Variants in UBA5 observed in about 807,000 individuals in gnomAD.
UBA5 encodes ubiquitin like modifier activating enzyme 5.
Under a neutral mutation model 52.9 loss-of-function variants are expected in UBA5, and 28 were observed. The ratio of observed to expected loss-of-function variants is 0.53; its 90% CI spans 0.39 to 0.73. UBA5 has a LOEUF of 0.73. UBA5 is among the 30% of genes least tolerant of loss of function. The pLI is 0.00. For missense variants in UBA5, 388 were observed against 492.7 expected (o/e 0.79, Z 2.01); for synonymous variants, 135 against 162.1 (o/e 0.83, Z 1.27).
chr3:132,676,626 T>C lies in UBA5; in HGVS notation c.*100T>C. The C allele has an allele frequency of 1.3e-6, 1 of 792,618 alleles. No individual in the cohort carries two copies. Among genetic ancestry groups the C allele is most frequent in the Non-Finnish European group, 2.1e-6 (1 of 485,450 alleles). 49.1% of individuals were successfully genotyped at this position (792,618 alleles called of 1,614,324 possible). ...TAAAACTTAGGGCAACATTAATTAA[T>C]GTATATTCTTACCTGAATTGTTATA... On this transcript the variant is annotated 3_prime_UTR_variant, in exon 12 of 12. Coordinates refer to ENST00000356232, the MANE Select transcript of UBA5 (RefSeq NM_024818.6). This position sits in a 1 kb window ranked among gnomAD's most constrained non-coding sequence, Gnocchi z 4.1.
chr3:132,655,949 T>A (rs1294398952), upstream of UBA5, among the ~76,000 whole-genome samples: 1 of 152,244 alleles, frequency 6.6e-6, no homozygotes, highest in East Asian at 1.9e-4. Flanking sequence ...AGAGTATTTA[T>A]GAAATTGGTA....
rs555442422 is a variant in UBA5, at chr3:132,670,394, T to C, written c.494+110T>C. 13 of 536,646 alleles carry C rather than the reference T, an allele frequency of 2.4e-5. No individual in the cohort carries two copies. The East Asian group carries it at 4.5e-4, about 19-fold the overall frequency. The allele number at this position is 536,646 out of a possible 1,614,324, so 33.2% of individuals were successfully genotyped here. On this transcript the variant is annotated intron_variant, in intron 5 of 11. Transcript: ENST00000356232. Reference sequence around the variant, plus strand: ...TGAATGGAAGATTGATATATATTTTTCCATTTTTTTAGTACAGCAATTTTT... The same window carrying C: ...TGAATGGAAGATTGATATATATTTTCCCATTTTTTTAGTACAGCAATTTTT...
chr3:132,674,291 T>C (rs1473545826), intron 8 of UBA5, among the ~76,000 whole-genome samples: 3 of 152,240 alleles, frequency 2.0e-5, no homozygotes, highest in Non-Finnish European at 1.5e-5. Flanking sequence ...TTTATGTGAT[T>C]TTCTCTGTAT....
At chr3:132,659,602 C>A (rs762024438), upstream of UBA5, 4 of 1,611,128 alleles carry the variant, frequency 2.5e-6, no homozygotes, top group Non-Finnish European at 3.4e-6. Context: ...GACATCCATA[C>A]CTGTACTGGG....
At chr3:132,657,866 CTTTTTTTT>C (rs56190801), upstream of UBA5, among the ~76,000 whole-genome samples, 2 of 119,164 alleles carry the variant, frequency 1.7e-5, no homozygotes, top group East Asian at 2.9e-4. Flanking sequence ...ACACATATTC[CTTTTTTTT>C]TTTTTTTTTT....
intron 1 of UBA5, chr3:132,665,608 C>T: frequency 1.9e-6 from 1 of 517,972 alleles, no homozygotes; most frequent in Admixed American, 3.5e-5. Flanking sequence ...AAAAACCAAT[C>T]TTGTTTCATA....
rs1003647355 is a variant in UBA5 at position 132,679,272 on chromosome 3, A to T, written c.*2746A>T. ...AACAGAGTGAGACTCTGTCTCAAAA[A>T]AAAAGGTATTGATGAATAAAAATTA... On this transcript the variant is annotated 3_prime_UTR_variant, in exon 12 of 12. Coordinates refer to ENST00000356232, the MANE Select transcript of UBA5 (RefSeq NM_024818.6). Among the ~76,000 whole-genome samples, 3 of 152,132 alleles carry T rather than the reference A, an allele frequency of 2.0e-5. No homozygotes were observed. The East Asian group carries it at 5.8e-4, about 30-fold the overall frequency.
At chr3:132,662,828 A>G (rs1452835930) in intron 1 of UBA5, among the ~76,000 whole-genome samples, 4 of 152,202 alleles carry the variant, frequency 2.6e-5, no homozygotes, top group Non-Finnish European at 4.4e-5. Context: ...GATTTTGGGC[A>G]GTTGATTAAC....
rs1477461030 is a variant in UBA5, at chr3:132,660,505, G to C, written c.-33G>C. On this transcript the variant is annotated 5_prime_UTR_variant, in exon 1 of 12. Transcript: ENST00000356232. The surrounding 1 kb of genome is among the most constrained non-coding windows in gnomAD (Gnocchi z 4.1). The stretch of plus-strand genomic sequence containing the variant: ...GGGGCGAAGGCGGCGGCGAAGGCCC[G>C]GGCTGGGAGCGTTGGCGGCCGGAGT... The C allele has an allele frequency of 3.2e-6, 5 of 1,545,340 alleles. No homozygotes were observed. In the South Asian group the frequency reaches 6.0e-5, roughly 18 times the overall value.
intron 7 of UBA5, 67 bp downstream of exon 7, chr3:132,671,948 T>C (rs1938623202): frequency 6.3e-7 from 1 of 1,596,814 alleles, no homozygotes; most frequent in Non-Finnish European, 8.6e-7. Flanking sequence ...GCATTGAAAA[T>C]GTATTACAAT....
chr3:132,675,265 G>C lies in UBA5; in HGVS notation c.830G>C (p.Gly277Ala), dbSNP rs1938786932. 1.2e-6 allele frequency: 2 copies of C among 1,604,714 alleles called. No homozygotes were observed. Among genetic ancestry groups the C allele is most frequent in the African/African-American group, 2.7e-5 (2 of 74,644 alleles). Residue 277 changes from glycine to alanine, a missense_variant, in exon 9 of 12, where the codon GGT becomes GCT. Transcript: ENST00000356232. ...QNVLKFLLNF[G>A]TVSFYLGYNA... ...TTTTCTAGGTTTCTGTTAAATTTTG[G>C]TACTGTTAGTTTTTACCTTGGATAC...
upstream of UBA5, chr3:132,660,213 G>A: frequency 2.3e-6 from 1 of 444,434 alleles, no homozygotes; most frequent in Non-Finnish European, 4.0e-6. The surrounding 1 kb of genome is among the most constrained non-coding windows in gnomAD (Gnocchi z 4.1). Flanking sequence ...AACATCGCTG[G>A]CCTCCTGCCC....
chr3:132,670,171 T>A (rs2107939746), intron 4 of UBA5, 27 bp from the exon 5 acceptor site: 1 of 1,131,664 alleles, frequency 8.8e-7, no homozygotes, highest in Non-Finnish European at 1.3e-6. Context: ...ATTACAGGCT[T>A]ATAATCATTC....
chr3:132,675,465 GGTTA>G, intron 9 of UBA5, 82 bp downstream of exon 9: 4 of 1,532,242 alleles, frequency 2.6e-6, no homozygotes, highest in Non-Finnish European at 3.6e-6. Flanking sequence ...CAAGATAAAT[GGTTA>G]ATTTATTCAC....
rs149960487 is a variant in UBA5 at position 132,677,100 on chromosome 3, T to C, written c.*574T>C. The C allele has an allele frequency of 8.0e-4, 209 of 261,138 alleles. 1 individual carries two copies. The highest frequency in any genetic ancestry group is 3.8e-3 in the African/African-American group (173 of 45,510). The allele number at this position is 261,138 out of a possible 1,614,324, so 16.2% of individuals were successfully genotyped here. ...TTTGCTGATGAAGTACAAGTTGAAA[T>C]GTAGTTATTGGAAAAGTCTGTAACC... On this transcript the variant is annotated 3_prime_UTR_variant, in exon 12 of 12. Transcript: ENST00000356232.
At chr3:132,671,476 AT>A (rs1436575655) in intron 6 of UBA5, among the ~76,000 whole-genome samples, 1 of 151,854 alleles carries the variant, frequency 6.6e-6, no homozygotes, top group African/African-American at 2.4e-5. Context: ...ATATTTTGGC[AT>A]TTTTTTTGTT....
intron 1 of UBA5, among the ~76,000 whole-genome samples, chr3:132,661,724 CAATT>C (rs763973062): frequency 6.6e-6 from 1 of 152,202 alleles, no homozygotes. Context: ...CCAGTAAAAA[CAATT>C]AAGTCGTGTA....
rs2107949998 is a variant in UBA5, at chr3:132,675,186, AG to A, written c.813-60del. ...TTTCAACGTTATTTTTAAAAAATTT[AG>A]GTGTTCTAGTATTTTTCATGTTTTA... On this transcript the variant is annotated intron_variant, in intron 8 of 11. Coordinates refer to ENST00000356232, the MANE Select transcript of UBA5 (RefSeq NM_024818.6). 5 of 1,206,776 alleles carry A rather than the reference AG, an allele frequency of 4.1e-6. No individual in the cohort carries two copies. In the South Asian group the frequency reaches 7.6e-5, roughly 18 times the overall value. 74.8% of individuals were successfully genotyped at this position (1,206,776 alleles called of 1,614,324 possible). A position where few individuals can be genotyped will look rare whatever the true frequency, so the allele number is the denominator to read the frequency against.
In UBA5 at chr3:132,670,058, C is replaced by G. The variant is rs185898445; in HGVS notation, c.408-140C>G. The G allele has an allele frequency of 5.2e-4, 298 of 571,634 alleles. 2 individuals are homozygous for G. The highest frequency in any genetic ancestry group is 4.6e-3 in the African/African-American group (230 of 49,822). 35.4% of individuals were successfully genotyped at this position (571,634 alleles called of 1,614,324 possible). ...ATTTTTTTAGAGACAGGGTCTCACTCTGTCCCCCAGGTTGGGGTGCAGTGG... is the reference window on the plus strand; with the variant it reads ...ATTTTTTTAGAGACAGGGTCTCACTGTGTCCCCCAGGTTGGGGTGCAGTGG... On this transcript the variant is annotated intron_variant, in intron 4 of 11. Coordinates refer to ENST00000356232, the MANE Select transcript of UBA5 (RefSeq NM_024818.6).
Sources: allele counts gnomAD v4.1 joint callset (sites outside exome capture counted in the v4.1 genomes callset), GRCh38; gene constraint gnomAD v4.1.1; non-coding constraint Gnocchi (gnomAD v3.1); transcripts MANE v1.5; gene names NCBI Gene and HGNC (gene_info 2026-07-23, HGNC 2026-07-21).